VCAN: variants seen among roughly 807,000 people sequenced by gnomAD.
VCAN encodes the protein versican, also known as versican core protein.
In VCAN, 44 loss-of-function variants were observed where a neutral mutation model predicts 245.5. The ratio of observed to expected loss-of-function variants is 0.18; its 90% CI spans 0.14 to 0.23. The LOEUF (loss-of-function observed/expected upper bound fraction) is 0.23, where lower values mean the gene tolerates loss of function less well. Ranked by LOEUF, VCAN falls within the 10% of genes least tolerant of loss-of-function variation. The probability of loss-of-function intolerance (pLI) is 1.00; values close to 1 mark genes in which losing one functional copy is unlikely to be tolerated. For missense variants in VCAN, 3,793 were observed against 4,057.9 expected, an observed-to-expected ratio of 0.93 and a Z score of 1.77; for synonymous variants, 1,413 against 1,437.0, an observed-to-expected ratio of 0.98 and a Z score of 0.38.
Position 83,547,989 on chromosome 5 carries a change from C to G in VCAN, c.9398C>G (p.Ser3133Cys). ...QCELDFDECH[S>C]NPCRNGATCV... is the part of the protein sequence containing the mutation. ...GTTTCAGATTTTGATGAATGTCACT[C>G]TAATCCCTGTCGTAATGGAGCCACT... Residue 3133 changes from serine to cysteine, a missense_variant, in exon 10 of 15, where the codon TCT becomes TGT. By Grantham distance (112) the Ser-to-Cys change is moderately radical. Coordinates refer to ENST00000265077, the MANE Select transcript of VCAN (RefSeq NM_004385.5). The G allele has an allele frequency of 1.2e-6, 2 of 1,613,696 alleles. No homozygotes were observed. The highest frequency in any genetic ancestry group is 1.7e-6 in the Non-Finnish European group (2 of 1,179,628).
Position 83,521,437 on chromosome 5 carries a change from A to C in VCAN, c.3131A>C (p.Lys1044Thr), listed in dbSNP as rs753207437. ...CCTTGGAAAGAACAGACTGCAGAGA[A>C]ACCAGTTCCTGCTCTCAGTTCTACA... ...EFPWKEQTAE[K>T]PVPALSSTAW... The change falls in exon 7 of 15, where the codon AAA (lysine) becomes ACA (threonine). Residue 1044 changes from lysine (K) to threonine (T), a missense_variant. Transcript: ENST00000265077. The C allele has an allele frequency of 6.2e-7, 1 of 1,614,160 alleles. No individual in the cohort carries two copies. Among genetic ancestry groups the C allele is most frequent in the African/African-American group, 1.3e-5 (1 of 75,062 alleles).
At chr5:83,497,221 TTTTAA>T (rs1398189177) in intron 5 of VCAN, among the ~76,000 whole-genome samples, 1 of 152,210 alleles carries the variant, frequency 6.6e-6, no homozygotes, top group African/African-American at 2.4e-5. Context: ...TAATTTTCCG[TTTTAA>T]TTTAATTATT....
intron 5 of VCAN, among the ~76,000 whole-genome samples, chr5:83,496,910 T>C (rs1430812690): frequency 1.3e-5 from 2 of 152,236 alleles, no homozygotes; most frequent in Admixed American, 6.5e-5. Flanking sequence ...GTATTTCAAT[T>C]GTCACGTTGA....
At chr5:83,554,322 G>C (rs1346180920) in intron 11 of VCAN, among the ~76,000 whole-genome samples, 1 of 152,180 alleles carries the variant, frequency 6.6e-6, no homozygotes, top group Admixed American at 6.5e-5. Flanking sequence ...GTTGTTTGAT[G>C]TTCTATTAAA....
In VCAN at chr5:83,581,317, C is replaced by CAAAAAA. The variant is rs70975508; in HGVS notation, c.*903_*908dup. The CAAAAAA allele has an allele frequency of 7.7e-4, 90 of 116,808 alleles. No homozygotes were observed. The highest frequency in any genetic ancestry group is 1.0e-3 in the Non-Finnish European group (58 of 57,240). The allele number at this position is 116,808 out of a possible 1,614,324, so 7.2% of individuals were successfully genotyped here. ...GGGTGGGGGATTGTTAAAACACATG[C>CAAAAAA]AAAAAAAAAAAAAAAAAAAAAAAAA... is the stretch of plus-strand genomic sequence containing the variant. On this transcript the variant is annotated 3_prime_UTR_variant, in exon 15 of 15. Transcript: ENST00000265077.
At chr5:83,551,012 T>C (rs1486807530) in intron 10 of VCAN, among the ~76,000 whole-genome samples, 2 of 151,484 alleles carry the variant, frequency 1.3e-5, no homozygotes, top group East Asian at 3.9e-4. Flanking sequence ...AGCTATGATT[T>C]AGATAGTACA....
At chr5:83,504,819 C>A (rs1302846624) in intron 5 of VCAN, among the ~76,000 whole-genome samples, 3 of 151,950 alleles carry the variant, frequency 2.0e-5, no homozygotes, top group African/African-American at 7.3e-5. Context: ...AAAGACATAC[C>A]CAAGACTGGG....
At chr5:83,570,403 A>G (rs969916844) in intron 12 of VCAN, among the ~76,000 whole-genome samples, 1 of 152,212 alleles carries the variant, frequency 6.6e-6, no homozygotes, top group African/African-American at 2.4e-5. Flanking sequence ...AGGACTTTAA[A>G]GTAAAGCTAA....
chr5:83,527,329 A>T (rs1746341363), intron 7 of VCAN, among the ~76,000 whole-genome samples: 2 of 152,106 alleles, frequency 1.3e-5, no homozygotes, highest in Non-Finnish European at 2.9e-5. Context: ...CTGAAAGTGG[A>T]TGGGTCTGGT....
intron 1 of VCAN, among the ~76,000 whole-genome samples, chr5:83,473,891 G>GA (rs897669991): frequency 1.2e-4 from 19 of 152,116 alleles, no homozygotes; most frequent in African/African-American, 4.3e-4. Context: ...GGAGGACCCT[G>GA]AAAAAAGGTC....
chr5:83,511,487 T>C (rs1189381463), intron 5 of VCAN, among the ~76,000 whole-genome samples: 8 of 152,122 alleles, frequency 5.3e-5, no homozygotes, highest in African/African-American at 9.7e-5. Context: ...ATGGCAGCCC[T>C]GTGCCTGATA....
At position 83,520,541 on chromosome 5, in the gene VCAN, G is replaced by A. The variant is rs1412134016; in HGVS notation, c.2235G>A (p.Lys745=). ...HVTESSVEMT[K]SFDFPTLITK... ...CAGAGTCTTCTGTGGAAATGACCAAGTCTTTTGATTTCCCAACATTGATAA... is the reference window on the plus strand; with the variant it reads ...CAGAGTCTTCTGTGGAAATGACCAAATCTTTTGATTTCCCAACATTGATAA... The change falls in exon 7 of 15, where the codon AAG becomes AAA. Residue 745 remains lysine, a synonymous_variant. Transcript: ENST00000265077. 1 of 1,613,982 alleles carries A rather than the reference G, an allele frequency of 6.2e-7. No individual in the cohort carries two copies. Among genetic ancestry groups the A allele is most frequent in the Non-Finnish European group, 8.5e-7 (1 of 1,179,948 alleles).
At chr5:83,503,203 CAAA>C (rs1178306244) in intron 5 of VCAN, among the ~76,000 whole-genome samples, 1 of 149,244 alleles carries the variant, frequency 6.7e-6, no homozygotes, top group Non-Finnish European at 1.5e-5. Context: ...TACAGAAAAA[CAAA>C]AAAACGATGG....
At position 83,580,821 on chromosome 5, in the gene VCAN, T is replaced by A; in HGVS notation, c.*387T>A. The A allele has an allele frequency of 3.3e-6, 1 of 302,162 alleles. No homozygotes were observed. The highest frequency in any genetic ancestry group is 6.4e-6 in the Non-Finnish European group (1 of 155,712). 18.7% of individuals were successfully genotyped at this position (302,162 alleles called of 1,614,324 possible). ...TTAATCCTGTATATAAAATAAAAAG[T>A]CACAATGAGTTTGGGCATATTTAAT... On this transcript the variant is annotated 3_prime_UTR_variant, in exon 15 of 15. Coordinates refer to ENST00000265077, the MANE Select transcript of VCAN (RefSeq NM_004385.5).
At chr5:83,517,588 T>C (rs979896260) in intron 6 of VCAN, among the ~76,000 whole-genome samples, 2 of 152,148 alleles carry the variant, frequency 1.3e-5, no homozygotes, top group African/African-American at 4.8e-5. Flanking sequence ...GGATAGAGAA[T>C]TGAATTAAAA....
chr5:83,575,655 A>G (rs1050042263), intron 13 of VCAN, among the ~76,000 whole-genome samples: 3 of 152,172 alleles, frequency 2.0e-5, no homozygotes, highest in African/African-American at 7.2e-5. Flanking sequence ...TGCCCTTTGT[A>G]TACTACATGT....
chr5:83,496,193 A>G (rs927879653), intron 5 of VCAN, among the ~76,000 whole-genome samples: 2 of 152,070 alleles, frequency 1.3e-5, no homozygotes, highest in Non-Finnish European at 2.9e-5. Flanking sequence ...CAGGAACTGG[A>G]CTCTGTCAGA....
At chr5:83,566,025 G>A (rs1449417765) in intron 12 of VCAN, among the ~76,000 whole-genome samples, 2 of 138,838 alleles carry the variant, frequency 1.4e-5, no homozygotes, top group African/African-American at 5.6e-5. Context: ...GTGCAATGGC[G>A]TGATCTTTGC....
rs752532806 is a variant in VCAN at position 83,537,170 on chromosome 5, TGAA to T, written c.4182_4184del (p.Glu1395del). The T allele has an allele frequency of 4.4e-4, 714 of 1,613,186 alleles. No individual in the cohort carries two copies. The highest frequency in any genetic ancestry group is 5.3e-4 in the Non-Finnish European group (626 of 1,179,668). Reference sequence around the variant, plus strand: ...TAGACCTATACCACAGTGAAGAAAATGAAGAAGAAGAAGAAGAGTGTGCAAATG... The same window carrying T: ...TAGACCTATACCACAGTGAAGAAAATGAAGAAGAAGAAGAGTGTGCAAATG... On this transcript the variant is annotated inframe_deletion, in exon 8 of 15. Coordinates refer to ENST00000265077, the MANE Select transcript of VCAN (RefSeq NM_004385.5).
Sources: allele counts gnomAD v4.1 joint callset (sites outside exome capture counted in the v4.1 genomes callset), GRCh38; gene constraint gnomAD v4.1.1; transcripts MANE v1.5; gene names NCBI Gene and HGNC (gene_info 2026-07-23, HGNC 2026-07-21).